Variants in VWA3B observed in about 807,000 individuals in gnomAD.
VWA3B encodes von Willebrand factor A domain-containing protein 3B.
In VWA3B, 138 loss-of-function variants were observed where a neutral mutation model predicts 158.3. That is an observed-to-expected ratio of 0.87 (90% confidence interval 0.76 to 1.00). The LOEUF is 1.00. Ranked by LOEUF, VWA3B falls within the 50% of genes least tolerant of loss-of-function variation. The pLI is 0.00. For synonymous variants in VWA3B, 596 were observed against 587.3 expected (o/e 1.01, Z -0.21); for missense variants, 1,555 against 1,565.1 (o/e 0.99, Z 0.11).
chr2:98,133,985 C>A, intron 7 of VWA3B, 46 bp downstream of exon 7: 1 of 1,499,064 alleles, frequency 6.7e-7, no homozygotes, highest in Non-Finnish European at 9.3e-7. Flanking sequence ...TCCCGAATAG[C>A]CTCAGACGAC....
intron 23 of VWA3B, chr2:98,292,067 A>G (rs2105953073): frequency 6.7e-6 from 1 of 150,168 alleles, no homozygotes; most frequent in African/African-American, 2.5e-5. Context: ...AACATGGTGA[A>G]ACCTCATCTC....
intron 19 of VWA3B, among the ~76,000 whole-genome samples, chr2:98,248,823 T>C (rs530082145): frequency 7.3e-6 from 1 of 137,812 alleles, no homozygotes; most frequent in East Asian, 2.1e-4. Flanking sequence ...TTCTCTTTCT[T>C]TTTCTTTCTT....
intron 17 of VWA3B, 60 bp downstream of exon 17, chr2:98,234,827 A>G: frequency 1.9e-6 from 3 of 1,608,064 alleles, no homozygotes; most frequent in Non-Finnish European, 2.5e-6. Context: ...TATCTGTTCC[A>G]GAAAGAGCTG....
At chr2:98,101,024 T>TA (rs1262216339) in intron 2 of VWA3B, among the ~76,000 whole-genome samples, 2 of 152,174 alleles carry the variant, frequency 1.3e-5, no homozygotes, top group Non-Finnish European at 2.9e-5. Context: ...AAAGACAAAA[T>TA]AAAAAATAAA....
intron 14 of VWA3B, among the ~76,000 whole-genome samples, chr2:98,223,953 C>A (rs999865067): frequency 1.1e-4 from 16 of 152,210 alleles, no homozygotes; most frequent in African/African-American, 3.6e-4. Flanking sequence ...GTCTTGAACT[C>A]CTGGCCTCAA....
chr2:98,318,425 A>T, the VWA3B span, among the ~76,000 whole-genome samples: 1 of 152,246 alleles, frequency 6.6e-6, no homozygotes, highest in African/African-American at 2.4e-5. Flanking sequence ...TTACAGGGAC[A>T]TAGATGAAAC....
intron 14 of VWA3B, among the ~76,000 whole-genome samples, chr2:98,226,410 G>A (rs1574134372): frequency 6.6e-6 from 1 of 152,292 alleles, no homozygotes; most frequent in East Asian, 1.9e-4. Flanking sequence ...ATACCTCATG[G>A]ACATCTTAAC....
At chr2:98,203,243 A>G (rs1220946371) in intron 12 of VWA3B, among the ~76,000 whole-genome samples, 1 of 152,224 alleles carries the variant, frequency 6.6e-6, no homozygotes, top group Non-Finnish European at 1.5e-5. Context: ...TCAGTTGAAT[A>G]TGTCTGCAGG....
intron 21 of VWA3B, 21 bp downstream of exon 21, chr2:98,256,195 C>A: frequency 6.6e-7 from 1 of 1,523,540 alleles, no homozygotes; most frequent in South Asian, 1.2e-5. Flanking sequence ...CCATTCCCTC[C>A]TCACTTTTTT....
chr2:98,256,215 A>G (rs1687134592), intron 21 of VWA3B, 41 bp downstream of exon 21: 3 of 1,564,088 alleles, frequency 1.9e-6, no homozygotes, highest in East Asian at 2.2e-5. Context: ...TTTTTTGGTG[A>G]AATTCACGTA....
chr2:98,098,896 G>A (rs183748072), intron 2 of VWA3B, among the ~76,000 whole-genome samples: 6 of 151,826 alleles, frequency 4.0e-5, no homozygotes, highest in African/African-American at 9.7e-5. Context: ...TGTGATTACC[G>A]CAAGGCTTAC....
At chr2:98,186,375 C>A (rs746973705) in intron 9 of VWA3B, among the ~76,000 whole-genome samples, 1 of 151,886 alleles carries the variant, frequency 6.6e-6, no homozygotes, top group Non-Finnish European at 1.5e-5. Flanking sequence ...GCATGCCGGC[C>A]GGCGCCTTCA....
intron 14 of VWA3B, among the ~76,000 whole-genome samples, chr2:98,222,065 G>T (rs750338592): frequency 9.9e-5 from 15 of 152,146 alleles, no homozygotes; most frequent in Non-Finnish European, 1.8e-4. Flanking sequence ...TGTGAAACAG[G>T]ACTAGCCCCC....
At chr2:98,170,455 C>T (rs537460289) in intron 8 of VWA3B, among the ~76,000 whole-genome samples, 2 of 152,226 alleles carry the variant, frequency 1.3e-5, no homozygotes, top group South Asian at 4.1e-4. Flanking sequence ...GCAGTTGCAA[C>T]CTACAGTAGG....
chr2:98,188,285 A>G (rs1681291352), intron 10 of VWA3B, among the ~76,000 whole-genome samples, 156 bp downstream of exon 10: 2 of 152,204 alleles, frequency 1.3e-5, no homozygotes, highest in African/African-American at 2.4e-5. Context: ...TATACAATGT[A>G]CAAAGATCAA....
chr2:98,185,175 CT>C (rs1680916747), intron 9 of VWA3B, among the ~76,000 whole-genome samples: 1 of 152,340 alleles, frequency 6.6e-6, no homozygotes, highest in African/African-American at 2.4e-5. Context: ...ACCAGCCCCC[CT>C]GTCTGACCAA....
intron 21 of VWA3B, among the ~76,000 whole-genome samples, chr2:98,267,802 T>C (rs1410006478): frequency 6.6e-6 from 1 of 150,888 alleles, no homozygotes; most frequent in Non-Finnish European, 1.5e-5. Flanking sequence ...GCAAGACTAA[T>C]AAAGAAAAAA....
At chr2:98,286,031 T>A (rs1168075203) in intron 22 of VWA3B, among the ~76,000 whole-genome samples, 2 of 152,158 alleles carry the variant, frequency 1.3e-5, no homozygotes, top group East Asian at 3.8e-4. Context: ...TCTTTTTTGA[T>A]GCTATTATAA....
At chr2:98,141,409 C>A (rs1559568687) in intron 7 of VWA3B, among the ~76,000 whole-genome samples, 1 of 152,046 alleles carries the variant, frequency 6.6e-6, no homozygotes, top group African/African-American at 2.4e-5. Flanking sequence ...TGGCAGAAGG[C>A]AAAGGGGGAG....
Sources: allele counts gnomAD v4.1 joint callset (sites outside exome capture counted in the v4.1 genomes callset), GRCh38; gene constraint gnomAD v4.1.1; transcripts MANE v1.5; gene names NCBI Gene and HGNC (gene_info 2026-07-23, HGNC 2026-07-21).